TAFA4: variants seen among roughly 807,000 people sequenced by gnomAD.
The protein encoded by TAFA4 is chemokine-like protein TAFA-4.
In TAFA4, 20 loss-of-function variants were observed where a neutral mutation model predicts 21.1. The observed-to-expected ratio is 0.95, with a 90% CI of 0.67 to 1.38. The LOEUF (loss-of-function observed/expected upper bound fraction) is 1.38, where lower values mean the gene tolerates loss of function less well. TAFA4 is among the 40% of genes most tolerant of loss of function. TAFA4 has a pLI of 0.00. For synonymous variants in TAFA4, 71 were observed against 67.4 expected (o/e 1.05, Z -0.26); for missense variants, 211 against 180.9 (o/e 1.17, Z -0.95).
intron 3 of TAFA4, among the ~76,000 whole-genome samples, chr3:68,865,857 A>C (rs1351927778): frequency 6.6e-6 from 1 of 152,032 alleles, no homozygotes; most frequent in Admixed American, 6.6e-5. Context: ...ACAGGTGAAA[A>C]ACTCCAGACA....
At chr3:68,855,013 A>T (rs62256069) in intron 3 of TAFA4, among the ~76,000 whole-genome samples, 1 of 152,182 alleles carries the variant, frequency 6.6e-6, no homozygotes, top group Non-Finnish European at 1.5e-5. Context: ...AGTAAAAATC[A>T]TAATAGGGGA....
At chr3:68,777,099 T>C (rs1284307203) in intron 3 of TAFA4, among the ~76,000 whole-genome samples, 2 of 151,870 alleles carry the variant, frequency 1.3e-5, no homozygotes, top group African/African-American at 4.8e-5. Context: ...TTTCAATATA[T>C]ATATAACGAA....
In TAFA4 at chr3:68,783,671, C is replaced by CAGAGAGAG. The variant is rs796524736; in HGVS notation, c.131-30654_131-30653insCTCTCTCT. ...CAAAGAAAAATCACAGACACACACA[C>CAGAGAGAG]ACAGAGAGAGAGAGAGAGAGAGAGA... is the stretch of plus-strand genomic sequence containing the variant. On this transcript the variant is annotated intron_variant, in intron 3 of 5. Transcript: ENST00000295569. 3.0e-3 allele frequency among the ~76,000 whole-genome samples: 289 copies of CAGAGAGAG among 96,232 alleles called. 2 individuals are homozygous for CAGAGAGAG. The highest frequency in any genetic ancestry group is 9.1e-3 in the African/African-American group (206 of 22,660). The allele number at this position is 96,232 out of a possible 152,430, so 63.1% of individuals were successfully genotyped here.
At chr3:68,864,374 G>C (rs2089389792) in intron 3 of TAFA4, among the ~76,000 whole-genome samples, 1 of 152,098 alleles carries the variant, frequency 6.6e-6, no homozygotes, top group Non-Finnish European at 1.5e-5. Flanking sequence ...TTAGGTTCAT[G>C]CAAATTAAAT....
At chr3:68,915,800 A>G (rs1023339168) in intron 1 of TAFA4, among the ~76,000 whole-genome samples, 4 of 152,226 alleles carry the variant, frequency 2.6e-5, no homozygotes, top group Admixed American at 2.6e-4. Flanking sequence ...TATGAAATCC[A>G]TATTAGAATT....
chr3:68,851,385 C>T (rs1704945939), intron 3 of TAFA4, among the ~76,000 whole-genome samples: 1 of 152,034 alleles, frequency 6.6e-6, no homozygotes, highest in South Asian at 2.1e-4. Context: ...ATAGCTAATG[C>T]ATGCTGGACT....
intron 3 of TAFA4, among the ~76,000 whole-genome samples, chr3:68,811,228 C>T (rs1265445238): frequency 6.6e-6 from 1 of 152,142 alleles, no homozygotes; most frequent in East Asian, 1.9e-4. Context: ...GGGGAAAAAA[C>T]AGAGCAGAAA....
intron 4 of TAFA4, among the ~76,000 whole-genome samples, chr3:68,745,719 TA>T (rs1702445270): frequency 6.6e-6 from 1 of 152,220 alleles, no homozygotes; most frequent in South Asian, 2.1e-4. Context: ...ATCACTCGGT[TA>T]AACAGAACAC....
At chr3:68,761,631 T>C (rs978369843) in intron 3 of TAFA4, among the ~76,000 whole-genome samples, 1 of 152,198 alleles carries the variant, frequency 6.6e-6, no homozygotes, top group Non-Finnish European at 1.5e-5. Context: ...GCTTGGGCTT[T>C]TACTCAAAGT....
chr3:68,843,657 C>CA (rs1327720793), intron 3 of TAFA4, among the ~76,000 whole-genome samples: 1 of 152,210 alleles, frequency 6.6e-6, no homozygotes, highest in Non-Finnish European at 1.5e-5. Context: ...GTGGGTCTGT[C>CA]ATAAATAGCT....
chr3:68,877,185 C>G (rs1266997365), intron 3 of TAFA4, among the ~76,000 whole-genome samples: 1 of 151,956 alleles, frequency 6.6e-6, no homozygotes, highest in African/African-American at 2.4e-5. Flanking sequence ...ATGGGGAAAG[C>G]CCACCTCTAC....
intron 3 of TAFA4, among the ~76,000 whole-genome samples, chr3:68,820,072 G>T (rs969344629): frequency 6.6e-5 from 10 of 152,116 alleles, no homozygotes; most frequent in African/African-American, 2.4e-4. Flanking sequence ...AGAAAATGTG[G>T]CATATATACA....
chr3:68,821,582 C>T (rs1253276204), intron 3 of TAFA4, among the ~76,000 whole-genome samples: 1 of 15,922 alleles, frequency 6.3e-5, no homozygotes, highest in Non-Finnish European at 1.1e-4. Flanking sequence ...CTCCTGACCT[C>T]GTGATCCACC....
intron 1 of TAFA4, among the ~76,000 whole-genome samples, chr3:68,918,132 TACAC>T (rs71618251): frequency 3.4e-5 from 5 of 148,930 alleles, no homozygotes; most frequent in Admixed American, 1.3e-4. Context: ...CAGACACACA[TACAC>T]ACACACACAC....
At position 68,778,072 on chromosome 3, in the gene TAFA4, A is replaced by G. The variant is rs187755288; in HGVS notation, c.131-25054T>C. ...TCAAAAATTATCTTAAATGTAAATC[A>G]TTTACACACACTAATTAGAAAGGCA... On this transcript the variant is annotated intron_variant, in intron 3 of 5. Coordinates refer to ENST00000295569, the MANE Select transcript of TAFA4 (RefSeq NM_182522.5). 1.9e-3 allele frequency among the ~76,000 whole-genome samples: 292 copies of G among 152,322 alleles called. 1 individual carries two copies. Among genetic ancestry groups the G allele is most frequent in the African/African-American group, 6.8e-3 (282 of 41,586 alleles).
intron 3 of TAFA4, among the ~76,000 whole-genome samples, chr3:68,835,981 G>A (rs192750069): frequency 5.3e-5 from 8 of 152,202 alleles, no homozygotes; most frequent in Non-Finnish European, 1.0e-4. Flanking sequence ...AGAACTGTGC[G>A]CAAATTACAG....
intron 3 of TAFA4, among the ~76,000 whole-genome samples, chr3:68,788,747 G>A (rs1223440356): frequency 2.0e-5 from 3 of 151,972 alleles, no homozygotes; most frequent in African/African-American, 7.3e-5. Flanking sequence ...AAGTAGCTGG[G>A]ACTACAGGCA....
intron 1 of TAFA4, among the ~76,000 whole-genome samples, chr3:68,904,147 A>C (rs1252568102): frequency 6.6e-6 from 1 of 152,100 alleles, no homozygotes; most frequent in Non-Finnish European, 1.5e-5. Flanking sequence ...CCTATAATGT[A>C]TTCCAACTTG....
At chr3:68,894,158 CTT>C (rs79469344) in intron 1 of TAFA4, among the ~76,000 whole-genome samples, 19 of 137,102 alleles carry the variant, frequency 1.4e-4, no homozygotes, top group Admixed American at 2.2e-4. Context: ...TTACTTGTTA[CTT>C]TTTTTTTTTT....
Sources: gnomAD v4.1 joint callset for allele counts (sites outside exome capture counted in the v4.1 genomes callset) on GRCh38, gnomAD v4.1.1 for gene constraint, MANE v1.5 for transcripts, NCBI Gene and HGNC (gene_info 2026-07-23, HGNC 2026-07-21) for gene names.